PKIG: variants seen among roughly 807,000 people sequenced by gnomAD.
The protein encoded by PKIG is protein kinase (cAMP-dependent, catalytic) inhibitor gamma.
A neutral mutation model predicts 6.8 loss-of-function variants in PKIG; 1 was observed. The ratio of observed to expected loss-of-function variants is 0.15; its 90% CI spans 0.05 to 0.69. The LOEUF (loss-of-function observed/expected upper bound fraction) is 0.69. PKIG is among the 30% of genes least tolerant of loss of function. The probability of loss-of-function intolerance (pLI) is 0.82; values close to 1 mark genes in which losing one functional copy is unlikely to be tolerated. For missense variants in PKIG, 77 were observed against 104.0 expected, an observed-to-expected ratio of 0.74 and a Z score of 1.13; for synonymous variants, 39 against 43.0, an observed-to-expected ratio of 0.91 and a Z score of 0.36.
At chr20:44,581,160 T>G (rs892866913), upstream of PKIG, among the ~76,000 whole-genome samples, 3 of 152,214 alleles carry the variant, frequency 2.0e-5, no homozygotes, top group Non-Finnish European at 4.4e-5. Context: ...CTGTGTGACC[T>G]TGGGCATGTC....
intron 1 of PKIG, chr20:44,564,377 T>C (rs1483496664): frequency 2.0e-5 from 3 of 152,218 alleles, no homozygotes; most frequent in African/African-American, 7.2e-5. Context: ...CCTTTTTCAC[T>C]GTTCCTTCTC....
At chr20:44,613,331 A>G (rs2065236024) in intron 2 of PKIG, among the ~76,000 whole-genome samples, 1 of 151,864 alleles carries the variant, frequency 6.6e-6, no homozygotes, top group Non-Finnish European at 1.5e-5. Context: ...ACGCCCGGCT[A>G]ATTTTTTTGT....
rs6130644 is a variant in PKIG, at chr20:44,597,978, T to A, written c.-24+8112T>A. Among the ~76,000 whole-genome samples the A allele has an allele frequency of 7.1e-3, 1,080 of 152,360 alleles. 73 individuals carry two copies. The East Asian group carries it at 0.15, about 21-fold the overall frequency. ...TTAAAACAACAGCAATAGTTTCTTA[T>A]ATCTCATGGTTTCTGTGGGTCAGGA... is the stretch of plus-strand genomic sequence containing the variant. On this transcript the variant is annotated intron_variant, in intron 2 of 3. Transcript: ENST00000372886.
intron 1 of PKIG, among the ~76,000 whole-genome samples, chr20:44,537,215 A>G (rs2064520619): frequency 6.6e-6 from 1 of 151,782 alleles, no homozygotes; most frequent in South Asian, 2.1e-4. Flanking sequence ...AGCGATTCTC[A>G]TGCCTCAGCC....
At chr20:44,608,882 A>G (rs59887810) in intron 2 of PKIG, among the ~76,000 whole-genome samples, 161 of 152,214 alleles carry the variant, frequency 1.1e-3, no homozygotes, top group African/African-American at 3.3e-3. Context: ...CTTAGAATAG[A>G]TTATTATAAA....
At chr20:44,547,032 T>C (rs1280309915) in intron 1 of PKIG, among the ~76,000 whole-genome samples, 1 of 152,238 alleles carries the variant, frequency 6.6e-6, no homozygotes, top group Non-Finnish European at 1.5e-5. Context: ...TTGTGTCTGC[T>C]ACTAAACTCT....
intron 1 of PKIG, among the ~76,000 whole-genome samples, chr20:44,565,213 G>A (rs929328591): frequency 6.6e-6 from 1 of 152,108 alleles, no homozygotes; most frequent in Non-Finnish European, 1.5e-5. Context: ...CCTTCTGTTT[G>A]TCAGGCCTTC....
chr20:44,613,897 T>C (rs2065240951), intron 2 of PKIG, among the ~76,000 whole-genome samples: 1 of 152,210 alleles, frequency 6.6e-6, no homozygotes, highest in Non-Finnish European at 1.5e-5. Flanking sequence ...GGTGTCATTG[T>C]CCCTCTTCTG....
intron 1 of PKIG, among the ~76,000 whole-genome samples, chr20:44,551,412 A>G (rs1288853675): frequency 2.0e-5 from 3 of 152,212 alleles, no homozygotes; most frequent in African/African-American, 7.2e-5. Flanking sequence ...CTCTAAAATC[A>G]TGCAAAAGTA....
chr20:44,589,910 C>T (rs1466219594), intron 2 of PKIG, 44 bp downstream of exon 2: 1 of 152,286 alleles, frequency 6.6e-6, no homozygotes, highest in South Asian at 2.1e-4. Context: ...GAGCAGCACA[C>T]GTTTTTGCCT....
At chr20:44,618,253 G>A (rs377106028) in intron 3 of PKIG, 32 bp from the exon 4 acceptor site, 11 of 1,429,978 alleles carry the variant, frequency 7.7e-6, no homozygotes, top group Non-Finnish European at 1.1e-5. Context: ...GTGTATATGT[G>A]CCCAAGAAAA....
chr20:44,573,259 G>A (rs2064868741), intron 1 of PKIG, among the ~76,000 whole-genome samples: 1 of 152,146 alleles, frequency 6.6e-6, no homozygotes, highest in African/African-American at 2.4e-5. Context: ...TATTTCCTTT[G>A]GAAAAAATGT....
intron 2 of PKIG, among the ~76,000 whole-genome samples, chr20:44,602,818 G>C (rs1274271371): frequency 1.3e-5 from 2 of 149,794 alleles, no homozygotes; most frequent in Non-Finnish European, 3.0e-5. Context: ...TCCAACCTGG[G>C]CGACAGAGTA....
chr20:44,574,031 C>G (rs929820481), intron 1 of PKIG, among the ~76,000 whole-genome samples: 2 of 152,196 alleles, frequency 1.3e-5, no homozygotes, highest in East Asian at 3.8e-4. Flanking sequence ...ACCCCTCACC[C>G]TGAGGCAGCC....
chr20:44,547,044 A>AG (rs2064621500), intron 1 of PKIG, among the ~76,000 whole-genome samples: 1 of 152,160 alleles, frequency 6.6e-6, no homozygotes, highest in Non-Finnish European at 1.5e-5. Context: ...CTAAACTCTT[A>AG]GCTTGTTGAG....
intron 1 of PKIG, among the ~76,000 whole-genome samples, chr20:44,589,184 C>T (rs2065014763): frequency 6.6e-6 from 1 of 151,590 alleles, no homozygotes; most frequent in Non-Finnish European, 1.5e-5. Flanking sequence ...ATCATGTTCA[C>T]ATTTGAGCAG....
At chr20:44,588,965 CA>C (rs1048238843) in intron 1 of PKIG, among the ~76,000 whole-genome samples, 22 of 152,146 alleles carry the variant, frequency 1.4e-4, no homozygotes, top group African/African-American at 5.3e-4. Flanking sequence ...AGATAATGTA[CA>C]AAGTGAAAGT....
chr20:44,609,547 C>T (rs1383584806), intron 2 of PKIG, among the ~76,000 whole-genome samples: 1 of 152,222 alleles, frequency 6.6e-6, no homozygotes, highest in African/African-American at 2.4e-5. Flanking sequence ...CCTTCAGAGG[C>T]CCGAGAGTGA....
chr20:44,609,773 G>C (rs962253985), intron 2 of PKIG, among the ~76,000 whole-genome samples: 3 of 152,196 alleles, frequency 2.0e-5, no homozygotes, highest in Admixed American at 6.5e-5. Flanking sequence ...TGGCCTGCTC[G>C]GGGTTTGTCA....
Sources: gnomAD v4.1 joint callset for allele counts (sites outside exome capture counted in the v4.1 genomes callset) on GRCh38, gnomAD v4.1.1 for gene constraint, MANE v1.5 for transcripts, NCBI Gene and HGNC (gene_info 2026-07-23, HGNC 2026-07-21) for gene names.